Variants in RUNX1T1 observed in about 807,000 individuals in gnomAD.
RUNX1T1 encodes the protein RUNX1 partner transcriptional co-repressor 1.
RUNX1T1 carries 4 observed loss-of-function variants against 62.8 expected under a neutral mutation model. The observed-to-expected ratio is 0.06, with a 90% CI of 0.03 to 0.15. The LOEUF is 0.15. Among genes scored for constraint, RUNX1T1 ranks in the 10% least tolerant of loss-of-function variants. The pLI is 1.00. For synonymous variants in RUNX1T1, 291 were observed against 286.0 expected (o/e 1.02, Z -0.18); for missense variants, 508 against 754.3 (o/e 0.67, Z 3.82).
intron 1 of RUNX1T1, among the ~76,000 whole-genome samples, chr8:92,044,396 A>G (rs1002417371): frequency 6.6e-6 from 1 of 152,210 alleles, no homozygotes; most frequent in African/African-American, 2.4e-5. Flanking sequence ...GGTGTGAAAA[A>G]GTCAATTCCA....
At chr8:91,986,239 T>C (rs1337854591) in exon 8 of RUNX1T1, 1 of 1,614,118 alleles carries the variant, frequency 6.2e-7, no homozygotes, top group Non-Finnish European at 8.5e-7. Context: ...AGTAATTCAA[T>C]TCTTCCCGGT....
chr8:92,018,067 CCAAA>C (rs1478400348), intron 1 of RUNX1T1, among the ~76,000 whole-genome samples: 1 of 152,022 alleles, frequency 6.6e-6, no homozygotes, highest in African/African-American at 2.4e-5. Context: ...TGTAAAAGTC[CCAAA>C]CAGAGAACTA....
chr8:92,033,072 A>G (rs1406592448), intron 1 of RUNX1T1, among the ~76,000 whole-genome samples: 2 of 152,208 alleles, frequency 1.3e-5, no homozygotes, highest in Non-Finnish European at 2.9e-5. Flanking sequence ...GGCAATACAT[A>G]TCATCAATTG....
exon 10 of RUNX1T1, chr8:91,970,748 C>T (rs1812656550): frequency 6.2e-7 from 1 of 1,613,832 alleles, no homozygotes; most frequent in South Asian, 1.1e-5. Flanking sequence ...CCATCTTGGC[C>T]CTCTCTGTTG....
chr8:92,102,466 G>A (rs1838083897), upstream of RUNX1T1, among the ~76,000 whole-genome samples: 2 of 151,636 alleles, frequency 1.3e-5, no homozygotes, highest in Admixed American at 6.6e-5. This position sits in a 1 kb window ranked among gnomAD's most constrained non-coding sequence, Gnocchi z 4.5. Flanking sequence ...CCCACGATGC[G>A]GGCATAGGGC....
At chr8:92,094,831 A>G (rs976850457) in intron 1 of RUNX1T1, among the ~76,000 whole-genome samples, 2 of 152,100 alleles carry the variant, frequency 1.3e-5, no homozygotes, top group Non-Finnish European at 2.9e-5. Context: ...CTTCCACCAA[A>G]AGAGAGACAG....
rs1491413538 is a variant in RUNX1T1, at chr8:92,034,792, A to ATG, written c.8-17430_8-17429insCA. On this transcript the variant is annotated intron_variant, in intron 1 of 10. Coordinates refer to ENST00000396218, the Ensembl canonical transcript of RUNX1T1. Reference sequence around the variant, plus strand: ...CATATATATACACATATATATATACATATATACACACACACACACACACAC... The same window carrying ATG: ...CATATATATACACATATATATATACATGTATATACACACACACACACACACAC... 1.4e-4 allele frequency among the ~76,000 whole-genome samples: 14 copies of ATG among 98,556 alleles called. 1 individual carries two copies. The highest frequency in any genetic ancestry group is 2.8e-4 in the Non-Finnish European group (13 of 47,034). 64.7% of individuals were successfully genotyped at this position (98,556 alleles called of 152,430 possible).
At chr8:92,093,309 GT>G (rs938920450) in intron 1 of RUNX1T1, among the ~76,000 whole-genome samples, 39 of 147,720 alleles carry the variant, frequency 2.6e-4, no homozygotes, top group Admixed American at 2.0e-3. Flanking sequence ...GTCCCTTCTG[GT>G]TTTTTTTTTC....
At chr8:92,034,795 T>TACAC (rs763510689) in intron 1 of RUNX1T1, among the ~76,000 whole-genome samples, 30 of 73,450 alleles carry the variant, frequency 4.1e-4, no homozygotes, top group African/African-American at 8.1e-4. Flanking sequence ...TATATACATA[T>TACAC]ATACACACAC....
intron 1 of RUNX1T1, among the ~76,000 whole-genome samples, chr8:92,090,506 T>G (rs1836823475): frequency 1.3e-5 from 2 of 152,092 alleles, no homozygotes. Flanking sequence ...GGTATTCTGA[T>G]GCAGGAACAG....
At chr8:92,095,654 G>A (rs1459912212) in intron 1 of RUNX1T1, 34 of 1,153,934 alleles carry the variant, frequency 2.9e-5, no homozygotes, top group Non-Finnish European at 3.7e-5. Context: ...AGGCAGGAGG[G>A]AAGGAGAGAC....
At chr8:92,029,805 C>G (rs1048825848) in intron 1 of RUNX1T1, among the ~76,000 whole-genome samples, 3 of 152,068 alleles carry the variant, frequency 2.0e-5, no homozygotes, top group African/African-American at 7.2e-5. Context: ...AAATGTTTCA[C>G]TCATTTTTTT....
rs145057755 is a variant in RUNX1T1, at chr8:92,034,791, CAT to C, written c.8-17430_8-17429del. ...ACATATATATACACATATATATATA[CAT>C]ATATACACACACACACACACACACA... On this transcript the variant is annotated intron_variant, in intron 1 of 10. Transcript: ENST00000396218. 4.4e-3 allele frequency among the ~76,000 whole-genome samples: 512 copies of C among 115,590 alleles called. 11 individuals carry two copies. Among genetic ancestry groups the C allele is most frequent in the Middle Eastern group, 8.9e-3 (2 of 224 alleles). The allele number at this position is 115,590 out of a possible 152,430, so 75.8% of individuals were successfully genotyped here.
At chr8:92,025,006 C>G (rs534699707) in intron 1 of RUNX1T1, among the ~76,000 whole-genome samples, 1 of 152,114 alleles carries the variant, frequency 6.6e-6, no homozygotes, top group Non-Finnish European at 1.5e-5. Context: ...GTAAGCACTC[C>G]GGAAAGGGTG....
At chr8:92,097,885 T>C (rs568412365) in intron 1 of RUNX1T1, among the ~76,000 whole-genome samples, 6 of 152,136 alleles carry the variant, frequency 3.9e-5, no homozygotes, top group Non-Finnish European at 5.9e-5. Flanking sequence ...AAGCTTTCAA[T>C]TAAAAGAAAA....
intron 1 of RUNX1T1, among the ~76,000 whole-genome samples, chr8:92,086,948 G>A (rs1434231545): frequency 6.6e-6 from 1 of 152,116 alleles, no homozygotes; most frequent in East Asian, 1.9e-4. Flanking sequence ...CCTCACATTA[G>A]GACCAACTCT....
intron 5 of RUNX1T1, among the ~76,000 whole-genome samples, chr8:92,000,829 C>T (rs1160283123): frequency 6.6e-6 from 1 of 152,046 alleles, no homozygotes; most frequent in Non-Finnish European, 1.5e-5. Context: ...CCCACTTGAG[C>T]AACTATAGAA....
chr8:92,086,621 T>C (rs750892414), intron 1 of RUNX1T1, among the ~76,000 whole-genome samples: 18 of 152,180 alleles, frequency 1.2e-4, no homozygotes, highest in Non-Finnish European at 2.5e-4. Flanking sequence ...ATTCTGAAGC[T>C]CTTCTCTAGA....
intron 1 of RUNX1T1, among the ~76,000 whole-genome samples, chr8:92,045,311 T>C (rs1587281708): frequency 6.6e-6 from 1 of 152,128 alleles, no homozygotes; most frequent in Non-Finnish European, 1.5e-5. Flanking sequence ...ATCACATAAA[T>C]GTACAATTTT....
Sources: allele counts gnomAD v4.1 joint callset (sites outside exome capture counted in the v4.1 genomes callset), GRCh38; gene constraint gnomAD v4.1.1; non-coding constraint Gnocchi (gnomAD v3.1); transcripts MANE v1.5; gene names NCBI Gene and HGNC (gene_info 2026-07-23, HGNC 2026-07-21).